Variants in HUNK observed in about 807,000 individuals in gnomAD.
The protein encoded by HUNK is hormonally up-regulated neu tumor-associated kinase.
Under a neutral mutation model 61.0 loss-of-function variants are expected in HUNK, and 21 were observed. The ratio of observed to expected loss-of-function variants is 0.34; its 90% CI spans 0.24 to 0.50. HUNK has a LOEUF of 0.50. Among genes scored for constraint, HUNK ranks in the 20% least tolerant of loss-of-function variants. The pLI is 0.98. For missense variants in HUNK, 772 were observed against 945.7 expected (o/e 0.82, Z 2.41); for synonymous variants, 371 against 386.1 (o/e 0.96, Z 0.46).
chr21:31,908,673 G>A (rs993805750), intron 1 of HUNK, among the ~76,000 whole-genome samples: 2 of 152,180 alleles, frequency 1.3e-5, no homozygotes, highest in African/African-American at 4.8e-5. Context: ...GCGAGGGGTG[G>A]TTGTGCATAA....
intron 4 of HUNK, among the ~76,000 whole-genome samples, chr21:31,949,577 A>G (rs534960824): frequency 1.5e-4 from 22 of 150,700 alleles, no homozygotes; most frequent in South Asian, 1.0e-3. Flanking sequence ...GAATTTGTGC[A>G]CACACACACA....
chr21:31,992,053 G>A (rs1025296319), intron 9 of HUNK, among the ~76,000 whole-genome samples: 2 of 152,224 alleles, frequency 1.3e-5, no homozygotes, highest in Non-Finnish European at 2.9e-5. Context: ...TGGAGAGAGC[G>A]AGGAATGGAC....
At chr21:31,952,685 A>G (rs1176647719) in intron 4 of HUNK, among the ~76,000 whole-genome samples, 1 of 151,530 alleles carries the variant, frequency 6.6e-6, no homozygotes, top group Admixed American at 6.6e-5. Context: ...TTTGTATTTC[A>G]TAAGTAAGGG....
intron 1 of HUNK, among the ~76,000 whole-genome samples, chr21:31,878,554 G>A (rs746728724): frequency 1.4e-3 from 206 of 152,124 alleles, no homozygotes; most frequent in Non-Finnish European, 2.5e-3. Context: ...GGCCAACATG[G>A]AGAAACCCCA....
chr21:31,981,955 GT>G (rs2123242157), intron 7 of HUNK, among the ~76,000 whole-genome samples: 1 of 151,858 alleles, frequency 6.6e-6, no homozygotes, highest in Non-Finnish European at 1.5e-5. Context: ...GGATGTGCAG[GT>G]TTGTTACATA....
chr21:31,992,591 A>G (rs541887919), intron 9 of HUNK, among the ~76,000 whole-genome samples: 42 of 152,160 alleles, frequency 2.8e-4, no homozygotes, highest in Non-Finnish European at 4.3e-4. Context: ...CCTCAAGTCT[A>G]TGTGGGTGCT....
intron 1 of HUNK, among the ~76,000 whole-genome samples, chr21:31,923,929 A>G (rs1245132824): frequency 6.6e-6 from 1 of 152,154 alleles, no homozygotes; most frequent in Non-Finnish European, 1.5e-5. Flanking sequence ...TGCACAGGGC[A>G]GGGCGGAGCG....
rs1385094642 is a variant in HUNK, at chr21:32,000,069, A to C, written c.*885A>C. 2 of 397,942 alleles carry C rather than the reference A, an allele frequency of 5.0e-6. No individual in the cohort carries two copies. Among genetic ancestry groups the C allele is most frequent in the Non-Finnish European group, 8.8e-6 (2 of 226,022 alleles). The allele number at this position is 397,942 out of a possible 1,614,324, so 24.7% of individuals were successfully genotyped here. On this transcript the variant is annotated 3_prime_UTR_variant, in exon 11 of 11. Transcript: ENST00000270112. Reference sequence around the variant, plus strand: ...GGCAAGTCTCGGTGGCCCTGTGTTCATCCTGTTGTTTAAGGCATAGCCCTG... The same window carrying C: ...GGCAAGTCTCGGTGGCCCTGTGTTCCTCCTGTTGTTTAAGGCATAGCCCTG...
chr21:31,959,805 A>G (rs569709856), intron 5 of HUNK, among the ~76,000 whole-genome samples: 1 of 152,370 alleles, frequency 6.6e-6, no homozygotes, highest in African/African-American at 2.4e-5. Context: ...TTCTGAGTTT[A>G]AAAGCATGCA....
At position 31,933,104 on chromosome 21, in the gene HUNK, C is replaced by A. The variant is rs573532071; in HGVS notation, c.555-7061C>A. On this transcript the variant is annotated intron_variant, in intron 2 of 10. Transcript: ENST00000270112. The stretch of plus-strand genomic sequence containing the variant: ...CTAATTTTTTTATTTTTAGTAGAGA[C>A]AGGGTTTCACCATGTTGACCAGGCT... 4.6e-4 allele frequency among the ~76,000 whole-genome samples: 70 copies of A among 151,820 alleles called. 1 individual carries two copies. The South Asian group carries it at 0.014, about 31-fold the overall frequency.
chr21:31,973,212 G>A (rs969759523), intron 6 of HUNK, among the ~76,000 whole-genome samples: 3 of 151,658 alleles, frequency 2.0e-5, no homozygotes, highest in Non-Finnish European at 4.4e-5. Context: ...TGTGCACAAC[G>A]TGCAGGTTTG....
rs567613907 is a variant in HUNK at position 32,001,070 on chromosome 21, G to C, written c.*1886G>C. ...GTGGATCGCTTGAGCTCAGGAGTTC[G>C]AGAGCAGCCTGGGCAACATGGTGAA... On this transcript the variant is annotated 3_prime_UTR_variant, in exon 11 of 11. Transcript: ENST00000270112. The C allele has an allele frequency of 1.6e-4, 33 of 202,366 alleles. 1 individual carries two copies. Among genetic ancestry groups the C allele is most frequent in the South Asian group, 3.8e-4 (2 of 5,206 alleles). The allele number at this position is 202,366 out of a possible 1,614,324, so 12.5% of individuals were successfully genotyped here.
At position 31,888,056 on chromosome 21, in the gene HUNK, G is replaced by A. The variant is rs1261494515; in HGVS notation, c.261+14121G>A. Among the ~76,000 whole-genome samples the A allele has an allele frequency of 2.6e-5, 4 of 152,070 alleles. 1 individual carries two copies. In the East Asian group the frequency reaches 7.7e-4, roughly 29 times the overall value. ...CTTACTCTTCATAGTAGCCTTTTGTGGTAGGTACTGTTGTCCTGATTTTGC... is the reference window on the plus strand; with the variant it reads ...CTTACTCTTCATAGTAGCCTTTTGTAGTAGGTACTGTTGTCCTGATTTTGC... On this transcript the variant is annotated intron_variant, in intron 1 of 10. Transcript: ENST00000270112.
chr21:31,943,886 A>G (rs915180348), intron 3 of HUNK, among the ~76,000 whole-genome samples: 5 of 152,232 alleles, frequency 3.3e-5, no homozygotes, highest in African/African-American at 7.2e-5. Context: ...TCAGAAGTTT[A>G]GAGATAACAA....
Position 31,892,174 on chromosome 21 carries a change from TATATATAGAGAGAG to T in HUNK, c.261+18241_261+18254del, listed in dbSNP as rs1331319817. ...AAAAAAAAAAAAAAATATATATATA[TATATATAGAGAGAG>T]AGAGAGAGAGAGAGAGAGAGAGTGT... On this transcript the variant is annotated intron_variant, in intron 1 of 10. Coordinates refer to ENST00000270112, the MANE Select transcript of HUNK (RefSeq NM_014586.2). Among the ~76,000 whole-genome samples, 336 of 122,032 alleles carry T rather than the reference TATATATAGAGAGAG, an allele frequency of 2.8e-3. 1 individual carries two copies. The highest frequency in any genetic ancestry group is 0.01 in the African/African-American group (324 of 31,700). The allele number at this position is 122,032 out of a possible 152,430, so 80.1% of individuals were successfully genotyped here.
rs768385636 is a variant in HUNK at position 31,924,704 on chromosome 21, C to T, written c.498C>T (p.Tyr166=). 6 of 1,613,856 alleles carry T rather than the reference C, an allele frequency of 3.7e-6. No individual in the cohort carries two copies. Among genetic ancestry groups the T allele is most frequent in the Non-Finnish European group, 2.5e-6 (3 of 1,179,978 alleles). The change falls in exon 2 of 11, where the codon TAC becomes TAT. Residue 166 remains tyrosine (Y), a synonymous_variant. Coordinates refer to ENST00000270112, the MANE Select transcript of HUNK (RefSeq NM_014586.2). This position sits in a 1 kb window ranked among gnomAD's most constrained non-coding sequence, Gnocchi z 5.1. ...TGGAGGAGTCCGAAGCCCGCAGATA[C>T]ATCCGACAGCTCATCTCTGCCGTAG... is the stretch of plus-strand genomic sequence containing the variant. ...KRLEESEARR[Y]IRQLISAVEH...
intron 10 of HUNK, among the ~76,000 whole-genome samples, chr21:31,997,631 C>T (rs1030181585): frequency 6.6e-6 from 1 of 152,160 alleles, no homozygotes; most frequent in Non-Finnish European, 1.5e-5. Context: ...GAAGACAGTT[C>T]TGGAGATTGA....
chr21:31,950,208 C>T (rs1320590123), intron 4 of HUNK, among the ~76,000 whole-genome samples: 4 of 151,956 alleles, frequency 2.6e-5, no homozygotes, highest in African/African-American at 4.8e-5. Flanking sequence ...ATTCAGGGAA[C>T]AAGATGGAGT....
intron 1 of HUNK, among the ~76,000 whole-genome samples, chr21:31,906,999 G>A (rs8133728): frequency 0.91 from 138,549 of 152,042 alleles, 63,184 homozygotes; most frequent in Middle Eastern, 0.95. Context: ...ACATGGTGAA[G>A]CTCCGGCTCT....
Sources: gnomAD v4.1 joint callset for allele counts (sites outside exome capture counted in the v4.1 genomes callset) on GRCh38, gnomAD v4.1.1 for gene constraint, Gnocchi (gnomAD v3.1) non-coding constraint, MANE v1.5 for transcripts, NCBI Gene and HGNC (gene_info 2026-07-23, HGNC 2026-07-21) for gene names.